The following DNAJC12 variants were observed in gnomAD, a reference collection of about 807,000 sequenced individuals.
DNAJC12 encodes the protein DnaJ heat shock protein family (Hsp40) member C12.
Under a neutral mutation model 28.5 loss-of-function variants are expected in DNAJC12, and 25 were observed. The ratio of observed to expected loss-of-function variants is 0.88; its 90% CI spans 0.64 to 1.22. DNAJC12 has a LOEUF of 1.22. Ranked by LOEUF, DNAJC12 falls within the 50% of genes most tolerant of loss-of-function variation. DNAJC12 has a pLI of 0.00. For synonymous variants in DNAJC12, 77 were observed against 80.6 expected (o/e 0.95, Z 0.24); for missense variants, 222 against 231.7 (o/e 0.96, Z 0.27).
chr10:67,835,904 G>T (rs1842138432), intron 1 of DNAJC12, among the ~76,000 whole-genome samples: 1 of 152,048 alleles, frequency 6.6e-6, no homozygotes, highest in Admixed American at 6.6e-5. Flanking sequence ...ACCATATTTT[G>T]AATATTACAC....
At position 67,838,067 on chromosome 10, in the gene DNAJC12, G is replaced by T. The variant is rs920793471; in HGVS notation, c.-56C>A. The stretch of plus-strand genomic sequence containing the variant: ...GGAAACAAGAGGCACAGTGAGCTTC[G>T]AATTAACAGGAAGAAACTCTTTAAA... On this transcript the variant is annotated 5_prime_UTR_variant, in exon 1 of 5. Coordinates refer to ENST00000225171, the MANE Select transcript of DNAJC12 (RefSeq NM_021800.3). 14 of 1,161,746 alleles carry T rather than the reference G, an allele frequency of 1.2e-5. No individual in the cohort carries two copies. The Admixed American group carries it at 2.4e-4, about 20-fold the overall frequency. 72.0% of individuals were successfully genotyped at this position (1,161,746 alleles called of 1,614,324 possible).
intron 1 of DNAJC12, among the ~76,000 whole-genome samples, chr10:67,831,808 C>T (rs1842096184): frequency 6.6e-6 from 1 of 152,084 alleles, no homozygotes; most frequent in Non-Finnish European, 1.5e-5. Context: ...CTAGTACTGG[C>T]CCAACAGGAA....
chr10:67,812,679 C>T (rs1306118950), intron 2 of DNAJC12, among the ~76,000 whole-genome samples: 1 of 138,428 alleles, frequency 7.2e-6, no homozygotes, highest in East Asian at 2.3e-4. Context: ...CCCATCTCTG[C>T]TAAAAATACA....
chr10:67,819,691 AAAGAAAGG>A (rs1288511388), intron 2 of DNAJC12, among the ~76,000 whole-genome samples: 3 of 22,860 alleles, frequency 1.3e-4, no homozygotes, highest in Admixed American at 4.3e-4. Flanking sequence ...AGAAAGAAAG[AAAGAAAGG>A]AAGGAAGGAA....
At chr10:67,821,624 T>C (rs1841981884) in intron 2 of DNAJC12, among the ~76,000 whole-genome samples, 1 of 152,220 alleles carries the variant, frequency 6.6e-6, no homozygotes, top group South Asian at 2.1e-4. Context: ...GGGCGGAACA[T>C]ATGTGGGCAT....
intron 2 of DNAJC12, among the ~76,000 whole-genome samples, chr10:67,815,660 T>C (rs182014440): frequency 6.6e-6 from 1 of 152,266 alleles, no homozygotes; most frequent in East Asian, 1.9e-4. Flanking sequence ...AATGTCCCAT[T>C]GTATAAATGA....
chr10:67,824,925 G>T (rs1254436009), intron 1 of DNAJC12, among the ~76,000 whole-genome samples: 2 of 151,906 alleles, frequency 1.3e-5, no homozygotes, highest in Admixed American at 1.3e-4. Context: ...GTAGAGATGG[G>T]GGTTTCACCA....
In DNAJC12 at chr10:67,838,047, CAA is replaced by C. The variant is rs1842156676; in HGVS notation, c.-38_-37del. On this transcript the variant is annotated 5_prime_UTR_variant, in exon 1 of 5. Coordinates refer to ENST00000225171, the MANE Select transcript of DNAJC12 (RefSeq NM_021800.3). ...TAATCAGTCCTTCTTCCCTCGGAAA[CAA>C]GAGGCACAGTGAGCTTCGAATTAAC... is the stretch of plus-strand genomic sequence containing the variant. 7.0e-7 allele frequency: 1 copy of C among 1,422,436 alleles called. No homozygotes were observed. Among genetic ancestry groups the C allele is most frequent in the African/African-American group, 1.4e-5 (1 of 70,296 alleles). The allele number at this position is 1,422,436 out of a possible 1,614,324, so 88.1% of individuals were successfully genotyped here. A position where few individuals can be genotyped will look rare whatever the true frequency, so the allele number is the denominator to read the frequency against.
At chr10:67,826,116 T>C (rs562669624) in intron 1 of DNAJC12, among the ~76,000 whole-genome samples, 1 of 149,182 alleles carries the variant, frequency 6.7e-6, no homozygotes, top group Admixed American at 6.9e-5. Flanking sequence ...ACAGATTATA[T>C]CCTTGAAGAC....
At chr10:67,800,545 GC>G (rs2131787050) in intron 4 of DNAJC12, among the ~76,000 whole-genome samples, 1 of 152,338 alleles carries the variant, frequency 6.6e-6, no homozygotes, top group African/African-American at 2.4e-5. Context: ...GCCAGAGCAA[GC>G]CCTCTGGCAG....
intron 2 of DNAJC12, among the ~76,000 whole-genome samples, chr10:67,819,723 G>C (rs866920753): frequency 1.3e-4 from 3 of 23,666 alleles, no homozygotes; most frequent in African/African-American, 4.9e-4. Flanking sequence ...AGGAAGCAAG[G>C]AAGGAAGGAA....
At position 67,837,977 on chromosome 10, in the gene DNAJC12, G is replaced by A. The variant is rs368204647; in HGVS notation, c.35C>T (p.Thr12Ile). ...DAILNYRSED[T>I]EDYYTLLGCD... Reference sequence around the variant, plus strand: ...TCCCAGTAATGTGTAGTAATCTTCAGTATCTTCTGACCTGTAATTCAGTAT... The same window carrying A: ...TCCCAGTAATGTGTAGTAATCTTCAATATCTTCTGACCTGTAATTCAGTAT... Residue 12 changes from threonine (T) to isoleucine (I), a missense_variant, in exon 1 of 5, where the codon ACT becomes ATT. Physicochemically the swap from Thr to Ile is moderately conservative, Grantham distance 89. Transcript: ENST00000225171. The A allele has an allele frequency of 8.7e-5, 140 of 1,609,198 alleles. No homozygotes were observed. Among genetic ancestry groups the A allele is most frequent in the Non-Finnish European group, 1.2e-4 (140 of 1,177,814 alleles).
chr10:67,798,330 G>A (rs1165625303), intron 4 of DNAJC12, among the ~76,000 whole-genome samples: 2 of 152,010 alleles, frequency 1.3e-5, no homozygotes, highest in Non-Finnish European at 2.9e-5. Flanking sequence ...TATATAGTAT[G>A]ATCTCATTCC....
chr10:67,818,398 T>C (rs1020181287), intron 2 of DNAJC12, among the ~76,000 whole-genome samples: 2 of 152,184 alleles, frequency 1.3e-5, no homozygotes, highest in African/African-American at 4.8e-5. Context: ...TTGATGTCTG[T>C]GTACCTTTTC....
chr10:67,799,891 ATG>A (rs1841723407), intron 4 of DNAJC12, among the ~76,000 whole-genome samples: 1 of 149,596 alleles, frequency 6.7e-6, no homozygotes, highest in Non-Finnish European at 1.5e-5. Flanking sequence ...AAAAAAAAAA[ATG>A]TAGTTTCTAG....
chr10:67,811,813 G>A, intron 2 of DNAJC12, 150 bp from the exon 3 acceptor site: 1 of 1,402,416 alleles, frequency 7.1e-7, no homozygotes, highest in Non-Finnish European at 9.4e-7. Flanking sequence ...TTTGTAAAGG[G>A]TATCATAAGG....
intron 1 of DNAJC12, chr10:67,833,974 C>A: frequency 2.2e-6 from 1 of 457,522 alleles, no homozygotes; most frequent in African/African-American, 2.0e-5. Context: ...GGGGTAAGCC[C>A]TACTGCCAAA....
rs1169926867 is a variant in DNAJC12, at chr10:67,838,036, T to C, written c.-25A>G. 1 of 1,528,166 alleles carries C rather than the reference T, an allele frequency of 6.5e-7. No homozygotes were observed. The highest frequency in any genetic ancestry group is 1.4e-5 in the African/African-American group (1 of 72,736). The allele number at this position is 1,528,166 out of a possible 1,614,324, so 94.7% of individuals were successfully genotyped here. ...TTTAGATGACTTAATCAGTCCTTCTTCCCTCGGAAACAAGAGGCACAGTGA... is the reference window on the plus strand; with the variant it reads ...TTTAGATGACTTAATCAGTCCTTCTCCCCTCGGAAACAAGAGGCACAGTGA... On this transcript the variant is annotated 5_prime_UTR_variant, in exon 1 of 5. Transcript: ENST00000225171.
At chr10:67,814,975 T>C (rs1417046144) in intron 2 of DNAJC12, among the ~76,000 whole-genome samples, 2 of 152,200 alleles carry the variant, frequency 1.3e-5, no homozygotes, top group Non-Finnish European at 2.9e-5. Context: ...AGAGTTGCCA[T>C]ATGACCCAAC....
Sources: gnomAD v4.1 joint callset for allele counts (sites outside exome capture counted in the v4.1 genomes callset) on GRCh38, gnomAD v4.1.1 for gene constraint, MANE v1.5 for transcripts, NCBI Gene and HGNC (gene_info 2026-07-23, HGNC 2026-07-21) for gene names.